The following RNF180 variants were observed in gnomAD, a reference collection of about 807,000 sequenced individuals.
RNF180 encodes the protein E3 ubiquitin-protein ligase RNF180.
A neutral mutation model predicts 59.2 loss-of-function variants in RNF180; 38 were observed. The ratio of observed to expected loss-of-function variants is 0.64; its 90% CI spans 0.50 to 0.84. The LOEUF is 0.84. Among genes scored for constraint, RNF180 ranks in the 40% least tolerant of loss-of-function variants. The probability of loss-of-function intolerance (pLI) is 0.00; values close to 1 mark genes in which losing one functional copy is unlikely to be tolerated. For missense variants in RNF180, 705 were observed against 700.9 expected (o/e 1.01, Z -0.07); for synonymous variants, 262 against 240.3 (o/e 1.09, Z -0.84).
intron 5 of RNF180, among the ~76,000 whole-genome samples, chr5:64,307,146 G>A (rs1743512414): frequency 6.7e-6 from 1 of 149,400 alleles, no homozygotes; most frequent in Non-Finnish European, 1.5e-5. Context: ...CCCTTTGCAG[G>A]CATTAATAAC....
At position 64,291,962 on chromosome 5, in the gene RNF180, T is replaced by C. The variant is rs570819581; in HGVS notation, c.1228-33224T>C. Among the ~76,000 whole-genome samples, 5 of 152,314 alleles carry C rather than the reference T, an allele frequency of 3.3e-5. No homozygotes were observed. In the East Asian group the frequency reaches 9.6e-4, roughly 29 times the overall value. On this transcript the variant is annotated intron_variant, in intron 5 of 7. Transcript: ENST00000389100. ...TCGTGGTTATATTGTGAATTTCTTATGTTTTTTTAGCTCCATCAGGTCAGT... is the reference window on the plus strand; with the variant it reads ...TCGTGGTTATATTGTGAATTTCTTACGTTTTTTTAGCTCCATCAGGTCAGT...
chr5:64,275,480 T>A (rs1175122076), intron 5 of RNF180, among the ~76,000 whole-genome samples: 1 of 151,160 alleles, frequency 6.6e-6, no homozygotes, highest in African/African-American at 2.4e-5. Flanking sequence ...AGGAAATAAT[T>A]TAAGAATGAA....
intron 2 of RNF180, among the ~76,000 whole-genome samples, chr5:64,207,436 A>T (rs2112088013): frequency 6.6e-6 from 1 of 152,214 alleles, no homozygotes; most frequent in African/African-American, 2.4e-5. Context: ...GAACTAAAAT[A>T]GATTGCCACT....
At chr5:64,350,107 T>A (rs1201269918) in intron 7 of RNF180, among the ~76,000 whole-genome samples, 18 of 152,164 alleles carry the variant, frequency 1.2e-4, no homozygotes, top group Non-Finnish European at 2.4e-4. Context: ...TGATCACCAT[T>A]CTAACAGGTG....
At chr5:64,313,423 CT>C (rs758035527) in intron 5 of RNF180, among the ~76,000 whole-genome samples, 2 of 151,962 alleles carry the variant, frequency 1.3e-5, no homozygotes, top group Non-Finnish European at 2.9e-5. Context: ...ATTTTCTGTT[CT>C]GTGTTAGTTT....
At chr5:64,369,380 C>T (rs1297801001) in intron 7 of RNF180, among the ~76,000 whole-genome samples, 2 of 151,710 alleles carry the variant, frequency 1.3e-5, no homozygotes, top group Non-Finnish European at 2.9e-5. Flanking sequence ...TTAATAGGTG[C>T]AGCACACTAG....
chr5:64,211,771 A>G (rs1047930310), intron 2 of RNF180, among the ~76,000 whole-genome samples: 1 of 152,204 alleles, frequency 6.6e-6, no homozygotes, highest in African/African-American at 2.4e-5. Flanking sequence ...GCAGAAAAAG[A>G]CACTAGATGT....
intron 5 of RNF180, among the ~76,000 whole-genome samples, chr5:64,296,317 T>C (rs1395474611): frequency 6.6e-6 from 1 of 152,182 alleles, no homozygotes; most frequent in Non-Finnish European, 1.5e-5. Context: ...TTGAACAGTT[T>C]AGTTCAAAAT....
At chr5:64,311,904 A>G (rs1005232774) in intron 5 of RNF180, among the ~76,000 whole-genome samples, 13 of 152,000 alleles carry the variant, frequency 8.6e-5, no homozygotes, top group African/African-American at 1.9e-4. Flanking sequence ...CTTCAGGCCA[A>G]TGAAAGAGAA....
chr5:64,323,539 A>AAATAAT (rs562456168), intron 5 of RNF180, among the ~76,000 whole-genome samples: 2,193 of 151,872 alleles, frequency 0.014, 50 homozygotes, highest in African/African-American at 0.05. Context: ...CTCGGTGTCA[A>AAATAAT]AATAATAATA....
chr5:64,268,610 ATACC>A (rs1744824746), intron 5 of RNF180, among the ~76,000 whole-genome samples: 1 of 152,204 alleles, frequency 6.6e-6, no homozygotes, highest in Non-Finnish European at 1.5e-5. Flanking sequence ...GGAGGAGAAC[ATACC>A]AAAGTAAGAT....
chr5:64,276,567 G>A (rs931653636), intron 5 of RNF180, among the ~76,000 whole-genome samples: 2 of 151,894 alleles, frequency 1.3e-5, no homozygotes, highest in Non-Finnish European at 2.9e-5. Context: ...CAAGTATAAC[G>A]ATTGTTGCTG....
chr5:64,194,592 A>G (rs1047814097), intron 1 of RNF180, among the ~76,000 whole-genome samples: 30 of 152,168 alleles, frequency 2.0e-4, no homozygotes, highest in African/African-American at 6.8e-4. Context: ...TGACTTCCAC[A>G]ATGGTTGAAC....
At chr5:64,324,574 A>G (rs775419499) in intron 5 of RNF180, among the ~76,000 whole-genome samples, 3 of 152,314 alleles carry the variant, frequency 2.0e-5, no homozygotes, top group East Asian at 1.9e-4. Context: ...TTTCCTAACA[A>G]TTCCATTTGG....
At chr5:64,347,923 T>C (rs951222378) in intron 7 of RNF180, among the ~76,000 whole-genome samples, 1 of 152,124 alleles carries the variant, frequency 6.6e-6, no homozygotes, top group African/African-American at 2.4e-5. Context: ...TGTTTTAGCT[T>C]TGCTAAGATT....
chr5:64,304,925 C>G (rs1743351591), intron 5 of RNF180, among the ~76,000 whole-genome samples: 1 of 151,608 alleles, frequency 6.6e-6, no homozygotes. Flanking sequence ...CTTCCTCCAG[C>G]AACCACCACC....
intron 5 of RNF180, among the ~76,000 whole-genome samples, chr5:64,256,026 C>T (rs553544916): frequency 4.7e-4 from 71 of 152,156 alleles, no homozygotes; most frequent in African/African-American, 1.6e-3. Context: ...TCATATCCTT[C>T]GCCCACTTGT....
intron 5 of RNF180, among the ~76,000 whole-genome samples, chr5:64,278,225 G>A (rs775732750): frequency 1.3e-5 from 2 of 152,128 alleles, no homozygotes; most frequent in African/African-American, 4.8e-5. Context: ...CACTTTTAAC[G>A]TAATGATCTC....
intron 5 of RNF180, among the ~76,000 whole-genome samples, chr5:64,258,440 T>A (rs1451616379): frequency 6.6e-6 from 1 of 152,132 alleles, no homozygotes; most frequent in Non-Finnish European, 1.5e-5. Context: ...TAAAATGATA[T>A]GATGCATTGA....
Sources: gnomAD v4.1 joint callset for allele counts (sites outside exome capture counted in the v4.1 genomes callset) on GRCh38, gnomAD v4.1.1 for gene constraint, MANE v1.5 for transcripts, NCBI Gene and HGNC (gene_info 2026-07-23, HGNC 2026-07-21) for gene names.